Variants in RIGI observed in about 807,000 individuals in gnomAD.
The protein encoded by RIGI is RNA sensor RIG-I, also known as antiviral innate immune response receptor RIG-I.
chr9:32,457,167 A>G, the RIGI span: 2 of 1,613,986 alleles, frequency 1.2e-6, no homozygotes, highest in Non-Finnish European at 1.7e-6. Flanking sequence ...TCTCAAAATG[A>G]AAGTCCTTCC....
the RIGI span, among the ~76,000 whole-genome samples, chr9:32,465,081 C>T: frequency 1.2e-4 from 19 of 152,172 alleles, no homozygotes; most frequent in African/African-American, 4.3e-4. Flanking sequence ...TATTAAAACT[C>T]GTGGTTTTAA....
At chr9:32,525,539 C>G in the RIGI span, among the ~76,000 whole-genome samples, 1 of 152,220 alleles carries the variant, frequency 6.6e-6, no homozygotes, top group African/African-American at 2.4e-5. Context: ...AAGCCTAAAG[C>G]TATTCGGTCT....
the RIGI span, among the ~76,000 whole-genome samples, chr9:32,464,268 A>G: frequency 6.6e-6 from 1 of 151,318 alleles, no homozygotes; most frequent in Non-Finnish European, 1.5e-5. Flanking sequence ...AGGATGCTCA[A>G]ACCCAAACCC....
the RIGI span, chr9:32,466,363 ATGTT>A: frequency 6.2e-7 from 1 of 1,613,780 alleles, no homozygotes. Flanking sequence ...TTCTTTGTAC[ATGTT>A]TATTTGTTCT....
At chr9:32,491,343 G>T in the RIGI span, 1 of 1,613,326 alleles carries the variant, frequency 6.2e-7, no homozygotes, top group South Asian at 1.1e-5. Context: ...TGGCATTCTG[G>T]ATCTTCTTGG....
the RIGI span, among the ~76,000 whole-genome samples, chr9:32,517,594 G>A: frequency 5.3e-5 from 8 of 152,006 alleles, no homozygotes; most frequent in Non-Finnish European, 7.4e-5. Context: ...TTTTTGTCTC[G>A]GCTTTATATT....
the RIGI span, among the ~76,000 whole-genome samples, chr9:32,491,076 G>GA: frequency 6.6e-6 from 1 of 150,914 alleles, no homozygotes; most frequent in African/African-American, 2.4e-5. Flanking sequence ...GGTAGAAGAA[G>GA]AAAAAAAAGA....
At chr9:32,498,562 T>C in the RIGI span, among the ~76,000 whole-genome samples, 1 of 152,136 alleles carries the variant, frequency 6.6e-6, no homozygotes, top group East Asian at 1.9e-4. Context: ...GAAAACACCA[T>C]AGCTCTGAAA....
chr9:32,488,282 A>G, the RIGI span: 1 of 1,455,124 alleles, frequency 6.9e-7, no homozygotes, highest in Non-Finnish European at 9.4e-7. Flanking sequence ...AGATCAGAAC[A>G]TCAACTGATT....
the RIGI span, among the ~76,000 whole-genome samples, chr9:32,522,344 A>G: frequency 7.9e-5 from 12 of 152,332 alleles, no homozygotes; most frequent in Admixed American, 6.5e-4. Flanking sequence ...TAATTTCTCC[A>G]GAATTTATAA....
At chr9:32,477,624 A>G in the RIGI span, among the ~76,000 whole-genome samples, 1 of 152,170 alleles carries the variant, frequency 6.6e-6, no homozygotes, top group African/African-American at 2.4e-5. Context: ...GTATTATCCC[A>G]TCTTTAAAAA....
chr9:32,511,917 G>A, the RIGI span, among the ~76,000 whole-genome samples: 1 of 152,162 alleles, frequency 6.6e-6, no homozygotes, highest in Non-Finnish European at 1.5e-5. Context: ...TGATCCCACA[G>A]AAATACAAAC....
chr9:32,508,512 C>T, the RIGI span, among the ~76,000 whole-genome samples: 1 of 152,000 alleles, frequency 6.6e-6, no homozygotes, highest in South Asian at 2.1e-4. Flanking sequence ...GAACTCCCTC[C>T]CCTAGCCAAG....
the RIGI span, among the ~76,000 whole-genome samples, chr9:32,501,151 C>T: frequency 1.3e-5 from 2 of 151,960 alleles, no homozygotes; most frequent in East Asian, 3.9e-4. Context: ...TCTCTGGAAA[C>T]CTACAGTTTG....
the RIGI span, chr9:32,456,729 A>G: frequency 0.062 from 9,998 of 162,242 alleles, 461 homozygotes; most frequent in East Asian, 0.27. Flanking sequence ...CAAAAGAACA[A>G]TTTCAGTAGA....
chr9:32,489,845 G>A, the RIGI span, among the ~76,000 whole-genome samples: 33 of 152,278 alleles, frequency 2.2e-4, no homozygotes, highest in South Asian at 6.6e-3. Flanking sequence ...GATTCTCAAA[G>A]CAATTTCTTA....
At chr9:32,474,380 T>A in the RIGI span, among the ~76,000 whole-genome samples, 1 of 152,140 alleles carries the variant, frequency 6.6e-6, no homozygotes, top group South Asian at 2.1e-4. Context: ...CTCAATGATC[T>A]CCACCTTCTG....
chr9:32,477,249 GTAGT>G, the RIGI span: 1 of 1,184,804 alleles, frequency 8.4e-7, no homozygotes, highest in Non-Finnish European at 1.2e-6. Flanking sequence ...AATTTTATGA[GTAGT>G]AAGTACTGTT....
At chr9:32,517,640 G>C in the RIGI span, among the ~76,000 whole-genome samples, 1 of 152,152 alleles carries the variant, frequency 6.6e-6, no homozygotes, top group Non-Finnish European at 1.5e-5. Flanking sequence ...TCAGAGTTTG[G>C]CAGCAGGTTA....
Sources: allele counts gnomAD v4.1 joint callset (sites outside exome capture counted in the v4.1 genomes callset), GRCh38; gene constraint gnomAD v4.1.1; transcripts MANE v1.5; gene names NCBI Gene and HGNC (gene_info 2026-07-23, HGNC 2026-07-21).